LSAMP: variants seen among roughly 807,000 people sequenced by gnomAD.
LSAMP encodes limbic system associated membrane protein.
In LSAMP, 7 loss-of-function variants were observed where a neutral mutation model predicts 38.6. The observed-to-expected ratio is 0.18, with a 90% CI of 0.10 to 0.34. The LOEUF is 0.34. Ranked by LOEUF, LSAMP falls within the 10% of genes least tolerant of loss-of-function variation. LSAMP has a pLI of 1.00. For synonymous variants in LSAMP, 154 were observed against 166.8 expected, an observed-to-expected ratio of 0.92 and a Z score of 0.59; for missense variants, 313 against 420.0, an observed-to-expected ratio of 0.75 and a Z score of 2.23.
At chr3:115,821,389 T>C (rs1329529361) in intron 6 of LSAMP, among the ~76,000 whole-genome samples, 2 of 152,222 alleles carry the variant, frequency 1.3e-5, no homozygotes, top group Non-Finnish European at 2.9e-5. Flanking sequence ...TTTTGACAAC[T>C]TTTCTCTAAT....
At chr3:116,431,525 AT>A (rs1278943951) in intron 1 of LSAMP, among the ~76,000 whole-genome samples, 1 of 152,064 alleles carries the variant, frequency 6.6e-6, no homozygotes, top group African/African-American at 2.4e-5. Flanking sequence ...TTACATCACC[AT>A]TATGAAACTG....
At chr3:115,883,582 T>TA (rs1277585175) in intron 3 of LSAMP, among the ~76,000 whole-genome samples, 1 of 152,034 alleles carries the variant, frequency 6.6e-6, no homozygotes, top group Non-Finnish European at 1.5e-5. Flanking sequence ...AGGCAGTGTA[T>TA]ATAGATGGTA....
chr3:115,831,364 C>T (rs137954864), intron 6 of LSAMP, among the ~76,000 whole-genome samples: 178 of 152,274 alleles, frequency 1.2e-3, no homozygotes, highest in African/African-American at 4.1e-3. Context: ...GAGAGCCCCA[C>T]GCTCAAGGGA....
chr3:116,427,633 AT>A (rs201674419), intron 1 of LSAMP, among the ~76,000 whole-genome samples: 2,190 of 152,296 alleles, frequency 0.014, 47 homozygotes, highest in African/African-American at 0.05. Flanking sequence ...TCTTAAAAAA[AT>A]AAATACAAAA....
intron 3 of LSAMP, among the ~76,000 whole-genome samples, chr3:115,935,055 CAAAA>C (rs1166396993): frequency 6.9e-6 from 1 of 144,900 alleles, no homozygotes; most frequent in Non-Finnish European, 1.5e-5. Context: ...AAAACAAAAA[CAAAA>C]AACAAAAAAA....
chr3:115,890,819 C>A (rs1936579620), intron 3 of LSAMP, among the ~76,000 whole-genome samples: 1 of 151,808 alleles, frequency 6.6e-6, no homozygotes, highest in Non-Finnish European at 1.5e-5. Context: ...GTGGTGAAAG[C>A]CAGGGCAGTC....
chr3:115,928,973 GTT>G (rs67711628), intron 3 of LSAMP, among the ~76,000 whole-genome samples: 22 of 109,922 alleles, frequency 2.0e-4, no homozygotes, highest in African/African-American at 6.1e-4. Context: ...TTTTTTGTTT[GTT>G]TTTTTTTTTT....
At chr3:116,007,840 A>G (rs1241985592) in intron 3 of LSAMP, among the ~76,000 whole-genome samples, 1 of 152,160 alleles carries the variant, frequency 6.6e-6, no homozygotes, top group African/African-American at 2.4e-5. Context: ...TTTGCATCAG[A>G]ATCACCTGAA....
chr3:115,948,478 C>A (rs1245272592), intron 3 of LSAMP, among the ~76,000 whole-genome samples: 1 of 151,996 alleles, frequency 6.6e-6, no homozygotes, highest in Non-Finnish European at 1.5e-5. Context: ...CCAAAAAGAA[C>A]CCTCAAAACC....
chr3:116,251,879 A>G (rs1236233614), intron 1 of LSAMP, among the ~76,000 whole-genome samples: 1 of 152,236 alleles, frequency 6.6e-6, no homozygotes, highest in African/African-American at 2.4e-5. Flanking sequence ...GTTAAGACTT[A>G]AGTCCTAAAA....
chr3:115,835,916 A>G (rs1934766333), intron 6 of LSAMP, among the ~76,000 whole-genome samples: 1 of 152,242 alleles, frequency 6.6e-6, no homozygotes, highest in Admixed American at 6.5e-5. Flanking sequence ...GTTATTTGGT[A>G]TTAAGTTTCT....
chr3:115,885,674 A>ATAGATGCTTCTTATCAATCAAGAAGCATT (rs368946854), intron 3 of LSAMP, among the ~76,000 whole-genome samples: 5 of 151,668 alleles, frequency 3.3e-5, no homozygotes, highest in South Asian at 2.1e-4. Flanking sequence ...ATAAAGCAAG[A>ATAGATGCTTCTTATCAATCAAGAAGCATT]TAGATGCTTC....
chr3:116,089,605 C>T (rs1576355933), intron 1 of LSAMP, among the ~76,000 whole-genome samples: 1 of 152,146 alleles, frequency 6.6e-6, no homozygotes, highest in Admixed American at 6.5e-5. Flanking sequence ...GATCCGCCCA[C>T]CTCGGTCTCC....
chr3:116,057,888 G>A (rs369348230), intron 2 of LSAMP, among the ~76,000 whole-genome samples: 1 of 150,888 alleles, frequency 6.6e-6, no homozygotes, highest in African/African-American at 2.4e-5. Flanking sequence ...CATGACTTGT[G>A]GTTTGAATTC....
intron 1 of LSAMP, among the ~76,000 whole-genome samples, chr3:116,403,982 T>C (rs2048872643): frequency 6.6e-6 from 1 of 152,136 alleles, no homozygotes; most frequent in South Asian, 2.1e-4. Flanking sequence ...CAGGCTGGTC[T>C]CAAACTCCTT....
intron 1 of LSAMP, among the ~76,000 whole-genome samples, chr3:116,148,592 C>T: frequency 6.6e-6 from 1 of 151,976 alleles, no homozygotes; most frequent in Non-Finnish European, 1.5e-5. Flanking sequence ...AAGTTCAAGG[C>T]AGTTTCTAGT....
chr3:116,395,035 C>T (rs999015346), intron 1 of LSAMP, among the ~76,000 whole-genome samples: 22 of 152,142 alleles, frequency 1.4e-4, no homozygotes, highest in African/African-American at 5.3e-4. Context: ...AGTTGTTTTC[C>T]CCTTTGCAAC....
chr3:116,434,131 C>G (rs1215477475), intron 1 of LSAMP, among the ~76,000 whole-genome samples: 1 of 152,226 alleles, frequency 6.6e-6, no homozygotes, highest in Non-Finnish European at 1.5e-5. Context: ...TTCAACCCCA[C>G]ATCCACAATT....
chr3:116,334,239 TAA>T (rs1035311222), intron 1 of LSAMP, among the ~76,000 whole-genome samples: 27 of 152,210 alleles, frequency 1.8e-4, no homozygotes, highest in Admixed American at 1.2e-3. Flanking sequence ...GCAAGGATAT[TAA>T]GTTAGTAATC....
Sources: gnomAD v4.1 joint callset for allele counts (sites outside exome capture counted in the v4.1 genomes callset) on GRCh38, gnomAD v4.1.1 for gene constraint, MANE v1.5 for transcripts, NCBI Gene and HGNC (gene_info 2026-07-23, HGNC 2026-07-21) for gene names.